The following ENTR1 variants were observed in gnomAD, a reference collection of about 807,000 sequenced individuals.
The protein encoded by ENTR1 is endosome-associated-trafficking regulator 1.
Under a neutral mutation model 47.9 loss-of-function variants are expected in ENTR1, and 47 were observed. That is an observed-to-expected ratio of 0.98 (90% CI 0.78 to 1.25). The LOEUF (loss-of-function observed/expected upper bound fraction) is 1.25, where lower values mean the gene tolerates loss of function less well. ENTR1 is among the 50% of genes most tolerant of loss of function. The pLI, the probability that ENTR1 is intolerant of heterozygous loss-of-function variation, is 0.00. For synonymous variants in ENTR1, 290 were observed against 245.8 expected (o/e 1.18, Z -1.68); for missense variants, 668 against 570.5 (o/e 1.17, Z -1.74).
rs1389150457 is a variant in ENTR1, at chr9:136,407,439, A to G, written c.525T>C (p.Asp175=). The G allele has an allele frequency of 6.2e-7, 1 of 1,610,662 alleles. No individual in the cohort carries two copies. Residue 175 remains aspartate (D), a synonymous_variant, in exon 5 of 10, where the codon GAT becomes GAC. Transcript: ENST00000357365. ...ATCCGGTGTCCTCATCCTCCTCCTC[A>G]TCCAGGAGGTCACCAGCCCCTGTCG... ...EDPTGAGDLL[D]EEEDEDTGWS...
chr9:136,410,571 C>T lies in ENTR1; in HGVS notation c.-174G>A, dbSNP rs1355435671. 1.3e-4 allele frequency: 153 copies of T among 1,179,080 alleles called. No individual in the cohort carries two copies. Among genetic ancestry groups the T allele is most frequent in the Non-Finnish European group, 1.5e-4 (144 of 934,676 alleles). The allele number at this position is 1,179,080 out of a possible 1,614,324, so 73.0% of individuals were successfully genotyped here. A position where few individuals can be genotyped will look rare whatever the true frequency, so the allele number is the denominator to read the frequency against. On this transcript the variant is annotated 5_prime_UTR_variant, in exon 1 of 10. Transcript: ENST00000357365. ...TCGCCGCTGCTTCCGCTCCGAGCACCGAAAGCGCGTGCCTGAACGCCTTGG... is the reference window on the plus strand; with the variant it reads ...TCGCCGCTGCTTCCGCTCCGAGCACTGAAAGCGCGTGCCTGAACGCCTTGG...
At position 136,405,173 on chromosome 9, in the gene ENTR1, G is replaced by A; in HGVS notation, c.923C>T (p.Ala308Val). 1 of 1,613,972 alleles carries A rather than the reference G, an allele frequency of 6.2e-7. No individual in the cohort carries two copies. Among genetic ancestry groups the A allele is most frequent in the South Asian group, 1.1e-5 (1 of 91,078 alleles). The change falls in exon 7 of 10, where the codon GCA (alanine) becomes GTA (valine). Residue 308 changes from alanine to valine, a missense_variant. Coordinates refer to ENST00000357365, the MANE Select transcript of ENTR1 (RefSeq NM_001039707.2). Reference sequence around the variant, plus strand: ...GTCGCTTTCCTCCTTGATCATTTTTGCTTCTAACTTCCGCTCAAGCGTCCT... The same window carrying A: ...GTCGCTTTCCTCCTTGATCATTTTTACTTCTAACTTCCGCTCAAGCGTCCT... ...MVRTLERKLE[A>V]KMIKEESDYH...
intron 3 of ENTR1, among the ~76,000 whole-genome samples, chr9:136,408,749 C>T (rs933243959): frequency 7.2e-5 from 11 of 152,336 alleles, no homozygotes; most frequent in Non-Finnish European, 8.8e-5. Flanking sequence ...CCACACTCGA[C>T]CCTCCCAGCT....
chr9:136,404,837 T>C (rs928645648), intron 7 of ENTR1, 144 bp from the exon 8 acceptor site: 1 of 795,190 alleles, frequency 1.3e-6, no homozygotes, highest in African/African-American at 1.7e-5. Context: ...CAGTCCCGCC[T>C]CCACTCTCAG....
chr9:136,410,426 C>T lies in ENTR1; in HGVS notation c.-29G>A. Reference sequence around the variant, plus strand: ...CGCCGGCCCGGCGGGGCACGACCTGCCTAGCCCGGCAGCGGCGGCTCCATG... The same window carrying T: ...CGCCGGCCCGGCGGGGCACGACCTGTCTAGCCCGGCAGCGGCGGCTCCATG... On this transcript the variant is annotated 5_prime_UTR_variant, in exon 1 of 10. Transcript: ENST00000357365. The T allele has an allele frequency of 8.1e-7, 1 of 1,229,050 alleles. No homozygotes were observed. Among genetic ancestry groups the T allele is most frequent in the Non-Finnish European group, 1.0e-6 (1 of 984,654 alleles). The allele number at this position is 1,229,050 out of a possible 1,614,324, so 76.1% of individuals were successfully genotyped here.
chr9:136,403,985 G>A (rs1370311370), intron 9 of ENTR1, 70 bp downstream of exon 9: 100 of 1,490,326 alleles, frequency 6.7e-5, no homozygotes, highest in Non-Finnish European at 8.6e-5. Context: ...CCCCCACCCA[G>A]GATCACTGAC....
At position 136,410,580 on chromosome 9, in the gene ENTR1, G is replaced by T. The variant is rs145007593; in HGVS notation, c.-183C>A. 32,232 of 1,193,952 alleles carry T rather than the reference G, an allele frequency of 0.027. 588 individuals are homozygous for T. Among genetic ancestry groups the T allele is most frequent in the Middle Eastern group, 0.086 (404 of 4,700 alleles). 74.0% of individuals were successfully genotyped at this position (1,193,952 alleles called of 1,614,324 possible). On this transcript the variant is annotated 5_prime_UTR_variant, in exon 1 of 10. Coordinates refer to ENST00000357365, the MANE Select transcript of ENTR1 (RefSeq NM_001039707.2). ...CTTCCGCTCCGAGCACCGAAAGCGC[G>T]TGCCTGAACGCCTTGGGCCGTCGGC...
intron 3 of ENTR1, 116 bp downstream of exon 3, chr9:136,408,883 T>G: frequency 3.2e-5 from 18 of 562,396 alleles, no homozygotes; most frequent in Non-Finnish European, 4.5e-5. Flanking sequence ...CACCCCCACC[T>G]GCTCTTTTGG....
chr9:136,408,809 G>A (rs893586947), intron 3 of ENTR1, among the ~76,000 whole-genome samples, 190 bp downstream of exon 3: 2 of 152,168 alleles, frequency 1.3e-5, no homozygotes, highest in African/African-American at 2.4e-5. Flanking sequence ...CCCAGGTGGG[G>A]CTTCCCCGCT....
chr9:136,404,981 C>CA (rs1403730665), intron 7 of ENTR1, 110 bp downstream of exon 7: 1 of 865,076 alleles, frequency 1.2e-6, no homozygotes, highest in African/African-American at 1.7e-5. Context: ...CAGAGAGCCA[C>CA]ATGGCCCCGC....
Position 136,408,987 on chromosome 9 carries a change from G to C in ENTR1, c.289+12C>G. The C allele has an allele frequency of 6.2e-7, 1 of 1,612,470 alleles. No homozygotes were observed. Among genetic ancestry groups the C allele is most frequent in the South Asian group, 1.1e-5 (1 of 91,054 alleles). Reference sequence around the variant, plus strand: ...ATGGAGACAAGAAGAAAAGGTTGCTGAACTACTCTACCTCCAAAATGTGTC... The same window carrying C: ...ATGGAGACAAGAAGAAAAGGTTGCTCAACTACTCTACCTCCAAAATGTGTC... On this transcript the variant is annotated intron_variant, in intron 3 of 9. Transcript: ENST00000357365.
In ENTR1 at chr9:136,406,697, A is replaced by G. The variant is rs542745216; in HGVS notation, c.819+448T>C. Among the ~76,000 whole-genome samples the G allele has an allele frequency of 2.1e-3, 249 of 120,532 alleles. 1 individual carries two copies. Among genetic ancestry groups the G allele is most frequent in the Non-Finnish European group, 3.7e-3 (195 of 52,054 alleles). The allele number at this position is 120,532 out of a possible 152,430, so 79.1% of individuals were successfully genotyped here. A position where few individuals can be genotyped will look rare whatever the true frequency, so the allele number is the denominator to read the frequency against. ...TCACCATGTTGGCCAGGCTGGTCTC[A>G]AACTGCTGACCTCAGGTGATCCACC... On this transcript the variant is annotated intron_variant, in intron 5 of 9. Coordinates refer to ENST00000357365, the MANE Select transcript of ENTR1 (RefSeq NM_001039707.2).
At chr9:136,409,167 C>T in intron 2 of ENTR1, 100 bp from the exon 3 acceptor site, 7 of 954,958 alleles carry the variant, frequency 7.3e-6, no homozygotes, top group Non-Finnish European at 1.2e-5. Flanking sequence ...TGCAGTGGTT[C>T]TCACAGTCTA....
At chr9:136,404,896 C>T (rs1338379533) in intron 7 of ENTR1, 195 bp downstream of exon 7, 3 of 667,412 alleles carry the variant, frequency 4.5e-6, no homozygotes, top group Non-Finnish European at 7.7e-6. Flanking sequence ...TCTGGCCCCC[C>T]ACTCCCCACG....
intron 2 of ENTR1, 176 bp downstream of exon 2, chr9:136,409,914 C>T: frequency 1.2e-6 from 1 of 822,600 alleles, no homozygotes; most frequent in Non-Finnish European, 2.1e-6. Flanking sequence ...GAGGTCTCCC[C>T]GCAACCAGAC....
chr9:136,402,713 A>G lies in ENTR1; in HGVS notation c.*75T>C, dbSNP rs1834541778. 1.0e-6 allele frequency: 1 copy of G among 986,502 alleles called. No homozygotes were observed. Among genetic ancestry groups the G allele is most frequent in the African/African-American group, 1.6e-5 (1 of 62,604 alleles). 61.1% of individuals were successfully genotyped at this position (986,502 alleles called of 1,614,324 possible). A position where few individuals can be genotyped will look rare whatever the true frequency, so the allele number is the denominator to read the frequency against. ...GTGAAGACTGCATATTTAAGGACAC[A>G]ACTGCACATTTAGATCGAGCGGTGG... On this transcript the variant is annotated 3_prime_UTR_variant, in exon 10 of 10. Transcript: ENST00000357365.
chr9:136,408,457 A>G (rs1018853123), intron 3 of ENTR1, among the ~76,000 whole-genome samples: 4 of 152,054 alleles, frequency 2.6e-5, no homozygotes, highest in South Asian at 4.2e-4. Flanking sequence ...GAGCGCCTGT[A>G]GTCCCAGCTA....
At chr9:136,406,400 C>T (rs1179436969) in intron 5 of ENTR1, among the ~76,000 whole-genome samples, 6 of 151,328 alleles carry the variant, frequency 4.0e-5, no homozygotes, top group South Asian at 2.1e-4. Flanking sequence ...ACTCGGGAGG[C>T]GGAGGTTGCA....
chr9:136,404,608 C>T (rs778654679), intron 8 of ENTR1, 23 bp downstream of exon 8: 2 of 1,611,640 alleles, frequency 1.2e-6, no homozygotes, highest in East Asian at 2.2e-5. Flanking sequence ...AAGAAAAACA[C>T]TGAAGTCCCT....
Sources: allele counts gnomAD v4.1 joint callset (sites outside exome capture counted in the v4.1 genomes callset), GRCh38; gene constraint gnomAD v4.1.1; transcripts MANE v1.5; gene names NCBI Gene and HGNC (gene_info 2026-07-23, HGNC 2026-07-21).